Variants in MIR2052HG observed in about 807,000 individuals in gnomAD.
MIR2052HG encodes MIR2052 host gene.
At chr8:74,616,060 C>T (rs1808277644) in intron 2 of MIR2052HG, among the ~76,000 whole-genome samples, 1 of 152,038 alleles carries the variant, frequency 6.6e-6, no homozygotes, top group Non-Finnish European at 1.5e-5. Context: ...GTGAATAGTG[C>T]TGCAATAAAC....
At chr8:74,680,453 C>T (rs1254962900) in intron 2 of MIR2052HG, among the ~76,000 whole-genome samples, 1 of 152,060 alleles carries the variant, frequency 6.6e-6, no homozygotes, top group Non-Finnish European at 1.5e-5. Context: ...CCAAAAAACA[C>T]ATGAAAAAAT....
intron 4 of MIR2052HG, among the ~76,000 whole-genome samples, chr8:74,710,194 A>G (rs138582530): frequency 6.6e-6 from 1 of 152,184 alleles, no homozygotes; most frequent in African/African-American, 2.4e-5. Flanking sequence ...TGGGGGAAAG[A>G]AGGAGTAAGC....
chr8:74,622,430 C>A (rs1379147926), intron 2 of MIR2052HG, among the ~76,000 whole-genome samples: 1 of 152,048 alleles, frequency 6.6e-6, no homozygotes, highest in East Asian at 1.9e-4. Flanking sequence ...ATGGCAAAAC[C>A]CTGTTTTTAC....
chr8:74,645,266 T>G (rs1029087303), intron 2 of MIR2052HG, among the ~76,000 whole-genome samples: 2 of 151,980 alleles, frequency 1.3e-5, no homozygotes, highest in South Asian at 2.1e-4. Flanking sequence ...ATCGAGTTCA[T>G]AGAAGATTAA....
At chr8:74,653,913 A>C (rs190327426) in intron 2 of MIR2052HG, among the ~76,000 whole-genome samples, 1 of 152,336 alleles carries the variant, frequency 6.6e-6, no homozygotes, top group Non-Finnish European at 1.5e-5. Context: ...TGATTTAAAT[A>C]GATTTTTCAA....
intron 4 of MIR2052HG, among the ~76,000 whole-genome samples, chr8:74,714,530 A>G (rs181842032): frequency 3.9e-5 from 6 of 152,246 alleles, no homozygotes; most frequent in African/African-American, 1.2e-4. Context: ...AGAGGGCTAC[A>G]ATGGTTTAAT....
intron 5 of MIR2052HG, among the ~76,000 whole-genome samples, chr8:74,755,606 T>C (rs1251784029): frequency 6.6e-6 from 1 of 152,228 alleles, no homozygotes; most frequent in Non-Finnish European, 1.5e-5. Flanking sequence ...TAAGCTTCTT[T>C]TTGGCGCTTC....
intron 2 of MIR2052HG, among the ~76,000 whole-genome samples, chr8:74,691,818 A>G (rs747460503): frequency 1.3e-5 from 2 of 152,312 alleles, no homozygotes; most frequent in Admixed American, 6.5e-5. Context: ...GTAAGTTCCA[A>G]TTCAAACCTG....
intron 2 of MIR2052HG, among the ~76,000 whole-genome samples, chr8:74,655,129 C>T (rs1808791355): frequency 6.6e-6 from 1 of 152,090 alleles, no homozygotes. Context: ...GTAGAGCATT[C>T]AAGAGGTGAC....
intron 4 of MIR2052HG, among the ~76,000 whole-genome samples, chr8:74,722,586 T>C (rs1204366411): frequency 1.3e-5 from 2 of 152,248 alleles, no homozygotes; most frequent in South Asian, 2.1e-4. Context: ...GTTATTTTTA[T>C]ATCAACAGGA....
At chr8:74,649,030 C>A (rs1808724160) in intron 2 of MIR2052HG, among the ~76,000 whole-genome samples, 1 of 151,654 alleles carries the variant, frequency 6.6e-6, no homozygotes, top group Non-Finnish European at 1.5e-5. Flanking sequence ...TCACTGAGCA[C>A]CCATATGAAT....
intron 2 of MIR2052HG, among the ~76,000 whole-genome samples, chr8:74,613,521 G>A (rs908067661): frequency 6.6e-6 from 1 of 152,058 alleles, no homozygotes; most frequent in African/African-American, 2.4e-5. Flanking sequence ...GTCTCGCTGT[G>A]TCACCAAGGC....
chr8:74,649,944 CCTT>C (rs2128736033), intron 2 of MIR2052HG, among the ~76,000 whole-genome samples: 1 of 151,848 alleles, frequency 6.6e-6, no homozygotes, highest in Admixed American at 6.6e-5. Context: ...TATAAAGTGT[CCTT>C]CTACTGAGTG....
intron 4 of MIR2052HG, among the ~76,000 whole-genome samples, chr8:74,729,332 T>A (rs1288597815): frequency 2.6e-5 from 4 of 152,164 alleles, no homozygotes; most frequent in African/African-American, 9.6e-5. Context: ...AGTGTGCTAT[T>A]ATTGAATCTC....
At chr8:74,602,874 T>TTTC in intron 1 of MIR2052HG, among the ~76,000 whole-genome samples, 1 of 138,792 alleles carries the variant, frequency 7.2e-6, no homozygotes, top group South Asian at 2.2e-4. Context: ...TCTTTCTTTC[T>TTTC]TTTTTCTATT....
At chr8:74,733,176 A>G (rs961358483) in intron 4 of MIR2052HG, among the ~76,000 whole-genome samples, 3 of 152,072 alleles carry the variant, frequency 2.0e-5, no homozygotes, top group African/African-American at 2.4e-5. Context: ...GGTGCGCTGC[A>G]CCCACTGACT....
At chr8:74,711,596 T>C (rs1809469075) in intron 4 of MIR2052HG, among the ~76,000 whole-genome samples, 1 of 152,192 alleles carries the variant, frequency 6.6e-6, no homozygotes, top group Admixed American at 6.6e-5. Flanking sequence ...TGATTAGAGC[T>C]GTTCCTAGTT....
At chr8:74,722,579 A>G (rs917942946) in intron 4 of MIR2052HG, among the ~76,000 whole-genome samples, 10 of 152,082 alleles carry the variant, frequency 6.6e-5, no homozygotes, top group African/African-American at 2.4e-4. Flanking sequence ...TTTTTGGGTT[A>G]TTTTTATATC....
chr8:74,604,289 T>C, intron 1 of MIR2052HG: 1 of 751,694 alleles, frequency 1.3e-6, no homozygotes, highest in Non-Finnish European at 2.4e-6. Context: ...GGTCAAGTCT[T>C]TGGTCACTGA....
Sources: gnomAD v4.1 joint callset for allele counts (sites outside exome capture counted in the v4.1 genomes callset) on GRCh38, gnomAD v4.1.1 for gene constraint, MANE v1.5 for transcripts, NCBI Gene and HGNC (gene_info 2026-07-23, HGNC 2026-07-21) for gene names.